The following RUNX2 variants were observed in gnomAD, a reference collection of about 807,000 sequenced individuals.
The protein encoded by RUNX2 is RUNX family transcription factor 2.
Under a neutral mutation model 51.7 loss-of-function variants are expected in RUNX2, and 10 were observed. The observed-to-expected ratio is 0.19, with a 90% CI of 0.12 to 0.33. The LOEUF is 0.33. Ranked by LOEUF, RUNX2 falls within the 10% of genes least tolerant of loss-of-function variation. The probability of loss-of-function intolerance (pLI) is 1.00; values close to 1 mark genes in which losing one functional copy is unlikely to be tolerated. For missense variants in RUNX2, 562 were observed against 691.3 expected, an observed-to-expected ratio of 0.81 and a Z score of 2.10; for synonymous variants, 276 against 273.6, an observed-to-expected ratio of 1.01 and a Z score of -0.09.
At position 45,371,779 on chromosome 6, in the gene RUNX2, AACAG is replaced by A. The variant is rs915437280; in HGVS notation, c.58+42999_58+43002del. ...CTTAGGTAGATGGATAAGCAACTAT[AACAG>A]ACAAACATATATGCAAATTGGTGGG... On this transcript the variant is annotated intron_variant, in intron 2 of 8. Coordinates refer to ENST00000647337, the MANE Select transcript of RUNX2 (RefSeq NM_001024630.4). The A allele has an allele frequency of 1.1e-5, 11 of 956,794 alleles. No homozygotes were observed. The Admixed American group carries it at 3.7e-4, about 32-fold the overall frequency. 59.3% of individuals were successfully genotyped at this position (956,794 alleles called of 1,614,324 possible).
chr6:45,394,658 A>G (rs1797544521), intron 2 of RUNX2, among the ~76,000 whole-genome samples: 1 of 152,056 alleles, frequency 6.6e-6, no homozygotes, highest in African/African-American at 2.4e-5. Context: ...CCTCCTCCCG[A>G]CACTGCCATC....
Position 45,369,833 on chromosome 6 carries a change from AC to A in RUNX2, c.58+41050del, listed in dbSNP as rs538392688. Among the ~76,000 whole-genome samples the A allele has an allele frequency of 1.2e-4, 18 of 152,302 alleles. No individual in the cohort carries two copies. In the East Asian group the frequency reaches 2.9e-3, roughly 24 times the overall value. On this transcript the variant is annotated intron_variant, in intron 2 of 8. Coordinates refer to ENST00000647337, the MANE Select transcript of RUNX2 (RefSeq NM_001024630.4). ...TAACAAATACTATGAAATCAAAAAA[AC>A]AAGTTGATTTCAACTGGGAGGTGGC...
chr6:45,407,998 T>C (rs1386146772), intron 2 of RUNX2, among the ~76,000 whole-genome samples: 1 of 152,172 alleles, frequency 6.6e-6, no homozygotes, highest in Non-Finnish European at 1.5e-5. Flanking sequence ...TACCATGGTA[T>C]AGAATTGATG....
At chr6:45,446,495 G>T (rs377598589) in intron 5 of RUNX2, among the ~76,000 whole-genome samples, 3 of 148,318 alleles carry the variant, frequency 2.0e-5, no homozygotes, top group Non-Finnish European at 3.0e-5. Flanking sequence ...CCCTTTTTTT[G>T]TCTCTCTTTT....
At chr6:45,340,235 A>C (rs1004216501) in intron 2 of RUNX2, among the ~76,000 whole-genome samples, 1 of 152,186 alleles carries the variant, frequency 6.6e-6, no homozygotes, top group African/African-American at 2.4e-5. Flanking sequence ...ACCCTGCCAC[A>C]TATCTTTAAG....
chr6:45,546,761 C>G, intron 8 of RUNX2, 66 bp from the exon 9 acceptor site: 2 of 1,340,388 alleles, frequency 1.5e-6, no homozygotes, highest in Non-Finnish European at 2.1e-6. Flanking sequence ...TTTCTTGTAA[C>G]AATTCTATCA....
At chr6:45,503,597 C>T (rs1012594917) in intron 6 of RUNX2, among the ~76,000 whole-genome samples, 6 of 152,214 alleles carry the variant, frequency 3.9e-5, no homozygotes, top group Admixed American at 3.3e-4. Flanking sequence ...GTTCTTGTCC[C>T]ACCCTTTTGT....
intron 5 of RUNX2, among the ~76,000 whole-genome samples, chr6:45,452,715 G>C (rs954397987): frequency 6.6e-6 from 1 of 151,954 alleles, no homozygotes; most frequent in African/African-American, 2.4e-5. Flanking sequence ...TTCTTGTTTT[G>C]AACTAAGTGC....
At chr6:45,523,966 A>G (rs1801591288) in intron 7 of RUNX2, among the ~76,000 whole-genome samples, 1 of 152,138 alleles carries the variant, frequency 6.6e-6, no homozygotes, top group Non-Finnish European at 1.5e-5. Context: ...AAAAAAAGAG[A>G]TAACTAAACA....
chr6:45,448,837 A>G (rs1346278557), intron 5 of RUNX2, among the ~76,000 whole-genome samples: 1 of 152,184 alleles, frequency 6.6e-6, no homozygotes, highest in Non-Finnish European at 1.5e-5. Flanking sequence ...GGAAATTATT[A>G]GTAGGCAAAG....
chr6:45,524,269 A>G (rs575379063), intron 7 of RUNX2, among the ~76,000 whole-genome samples: 17 of 152,374 alleles, frequency 1.1e-4, no homozygotes, highest in Non-Finnish European at 1.6e-4. Context: ...CATGAAAGTA[A>G]TGTAAATAAA....
At chr6:45,465,360 T>A (rs1251677645) in intron 5 of RUNX2, among the ~76,000 whole-genome samples, 1 of 152,196 alleles carries the variant, frequency 6.6e-6, no homozygotes, top group African/African-American at 2.4e-5. Context: ...TGGTTAATTA[T>A]ATGATATTTT....
intron 5 of RUNX2, among the ~76,000 whole-genome samples, chr6:45,456,485 G>A (rs779745380): frequency 2.6e-5 from 4 of 152,178 alleles, no homozygotes; most frequent in Non-Finnish European, 5.9e-5. Flanking sequence ...CTCATATGAA[G>A]TGTACATTCT....
chr6:45,351,015 T>A (rs936379575), intron 2 of RUNX2, among the ~76,000 whole-genome samples: 1 of 152,036 alleles, frequency 6.6e-6, no homozygotes, highest in African/African-American at 2.4e-5. Flanking sequence ...AGTTCTGCGC[T>A]CCTTATGAGA....
chr6:45,485,691 G>GTATATA (rs1368496560), intron 5 of RUNX2, among the ~76,000 whole-genome samples: 17 of 82,250 alleles, frequency 2.1e-4, no homozygotes, highest in Admixed American at 6.1e-4. Flanking sequence ...GTGTGTGTGT[G>GTATATA]TGTGTGTATA....
intron 5 of RUNX2, among the ~76,000 whole-genome samples, chr6:45,451,885 A>G (rs958667442): frequency 2.0e-5 from 3 of 152,198 alleles, no homozygotes; most frequent in South Asian, 4.1e-4. Flanking sequence ...TCTGTTTTCC[A>G]TTATAATTCT....
chr6:45,422,115 G>C (rs1215310581), intron 2 of RUNX2: 1 of 149,918 alleles, frequency 6.7e-6, no homozygotes, highest in Non-Finnish European at 1.5e-5. Context: ...CGGCGGTGGC[G>C]GGCAGCGCGC....
At chr6:45,533,860 A>G (rs1466468883) in intron 7 of RUNX2, among the ~76,000 whole-genome samples, 1 of 150,722 alleles carries the variant, frequency 6.6e-6, no homozygotes, top group Non-Finnish European at 1.5e-5. Context: ...CTGTTTTTAA[A>G]GAAATACCGT....
chr6:45,440,920 C>T (rs1398161717), intron 5 of RUNX2, among the ~76,000 whole-genome samples: 1 of 152,112 alleles, frequency 6.6e-6, no homozygotes. Context: ...TAAGGATACT[C>T]GATCTGTATT....
Sources: allele counts gnomAD v4.1 joint callset (sites outside exome capture counted in the v4.1 genomes callset), GRCh38; gene constraint gnomAD v4.1.1; transcripts MANE v1.5; gene names NCBI Gene and HGNC (gene_info 2026-07-23, HGNC 2026-07-21).